The following MARCHF4 variants were observed in gnomAD, a reference collection of about 807,000 sequenced individuals.
MARCHF4 encodes the protein E3 ubiquitin-protein ligase MARCHF4.
MARCHF4 carries 14 observed loss-of-function variants against 43.9 expected under a neutral mutation model. The ratio of observed to expected loss-of-function variants is 0.32; its 90% CI spans 0.21 to 0.50. The LOEUF (loss-of-function observed/expected upper bound fraction) is 0.50, where lower values mean the gene tolerates loss of function less well. Among genes scored for constraint, MARCHF4 ranks in the 20% least tolerant of loss-of-function variants. The pLI, the probability that MARCHF4 is intolerant of heterozygous loss-of-function variation, is 0.98. For missense variants in MARCHF4, 468 were observed against 536.7 expected (o/e 0.87, Z 1.27); for synonymous variants, 226 against 213.3 (o/e 1.06, Z -0.52).
chr2:216,305,716 T>C (rs1323315473), intron 1 of MARCHF4, among the ~76,000 whole-genome samples: 2 of 152,152 alleles, frequency 1.3e-5, no homozygotes, highest in Non-Finnish European at 2.9e-5. Flanking sequence ...GGCCTTCCAC[T>C]AATCAGACTG....
At chr2:216,307,399 G>T (rs913654781) in intron 1 of MARCHF4, among the ~76,000 whole-genome samples, 5 of 152,192 alleles carry the variant, frequency 3.3e-5, no homozygotes, top group African/African-American at 1.2e-4. Flanking sequence ...GAGGGAGAGG[G>T]GTTTCTATTT....
chr2:216,341,448 G>C (rs1692234094), intron 1 of MARCHF4, among the ~76,000 whole-genome samples: 1 of 152,170 alleles, frequency 6.6e-6, no homozygotes, highest in African/African-American at 2.4e-5. Flanking sequence ...GACTGAGCCT[G>C]GGGAGAGGCA....
chr2:216,288,070 C>T (rs561180158), intron 1 of MARCHF4, among the ~76,000 whole-genome samples: 99 of 152,310 alleles, frequency 6.5e-4, no homozygotes, highest in Admixed American at 1.8e-3. Context: ...TCAAGTGATC[C>T]TCCCACCTCA....
chr2:216,299,100 G>C (rs1364037613), intron 1 of MARCHF4, among the ~76,000 whole-genome samples: 2 of 151,392 alleles, frequency 1.3e-5, no homozygotes, highest in Non-Finnish European at 2.9e-5. Flanking sequence ...AGAAGACATA[G>C]ACAGTCTGGG....
intron 3 of MARCHF4, among the ~76,000 whole-genome samples, chr2:216,277,340 G>A (rs1451752871): frequency 6.6e-6 from 1 of 152,198 alleles, no homozygotes; most frequent in Non-Finnish European, 1.5e-5. Context: ...GCAGTATAGG[G>A]TGCACAGTGG....
At chr2:216,361,133 A>C (rs13404318) in intron 1 of MARCHF4, among the ~76,000 whole-genome samples, 4,849 of 152,284 alleles carry the variant, frequency 0.032, 180 homozygotes, top group East Asian at 0.14. Context: ...ACAAGGTGAG[A>C]AATTCTAGCT....
At chr2:216,326,912 G>A (rs1195588847) in intron 1 of MARCHF4, among the ~76,000 whole-genome samples, 2 of 151,868 alleles carry the variant, frequency 1.3e-5, no homozygotes, top group African/African-American at 2.4e-5. Flanking sequence ...GTATACATAC[G>A]TAACTAACCT....
intron 1 of MARCHF4, among the ~76,000 whole-genome samples, chr2:216,349,550 G>A (rs1340996734): frequency 6.6e-6 from 1 of 152,174 alleles, no homozygotes; most frequent in Non-Finnish European, 1.5e-5. Context: ...AAGCACAGCT[G>A]GGGATGATGT....
At chr2:216,342,844 T>G (rs182533690) in intron 1 of MARCHF4, among the ~76,000 whole-genome samples, 3 of 152,210 alleles carry the variant, frequency 2.0e-5, no homozygotes, top group Admixed American at 2.0e-4. Context: ...TCTAGTTCCT[T>G]CCCAGGCCCT....
chr2:216,321,027 A>G (rs897348978), intron 1 of MARCHF4, among the ~76,000 whole-genome samples: 7 of 151,840 alleles, frequency 4.6e-5, no homozygotes, highest in African/African-American at 1.7e-4. Flanking sequence ...GAAGTTGAGT[A>G]AGAGTGAAGA....
chr2:216,298,751 T>A (rs188238963), intron 1 of MARCHF4, among the ~76,000 whole-genome samples: 2 of 152,266 alleles, frequency 1.3e-5, no homozygotes, highest in Admixed American at 1.3e-4. Context: ...TCCCCCTAAA[T>A]CAGGAACATA....
chr2:216,271,117 G>T (rs535295857), intron 3 of MARCHF4, among the ~76,000 whole-genome samples: 1 of 152,158 alleles, frequency 6.6e-6, no homozygotes, highest in Admixed American at 6.5e-5. Context: ...CACCAGTGGG[G>T]TCAAATCTGA....
At chr2:216,272,327 T>C (rs564774959) in intron 3 of MARCHF4, among the ~76,000 whole-genome samples, 1 of 152,024 alleles carries the variant, frequency 6.6e-6, no homozygotes, top group Admixed American at 6.5e-5. Flanking sequence ...AATAGCACAA[T>C]CAAAAAGGAG....
chr2:216,259,189 G>A lies in MARCHF4; in HGVS notation c.*123C>T. The A allele has an allele frequency of 2.8e-6, 4 of 1,427,930 alleles. No individual in the cohort carries two copies. The highest frequency in any genetic ancestry group is 2.8e-6 in the Non-Finnish European group (3 of 1,076,342). 88.5% of individuals were successfully genotyped at this position (1,427,930 alleles called of 1,614,324 possible). A position where few individuals can be genotyped will look rare whatever the true frequency, so the allele number is the denominator to read the frequency against. On this transcript the variant is annotated 3_prime_UTR_variant, in exon 4 of 4. Transcript: ENST00000273067. Reference sequence around the variant, plus strand: ...ACTCCCGCTCTGACACTACCCCAGGGCTCCCGCCAGGTCCCCCACCCTCTG... The same window carrying A: ...ACTCCCGCTCTGACACTACCCCAGGACTCCCGCCAGGTCCCCCACCCTCTG...
At position 216,370,052 on chromosome 2, in the gene MARCHF4, G is replaced by A. The variant is rs1197584038; in HGVS notation, c.209C>T (p.Pro70Leu). 3.2e-6 allele frequency: 5 copies of A among 1,557,800 alleles called. No homozygotes were observed. The African/African-American group carries it at 4.1e-5, about 13-fold the overall frequency. The change falls in exon 1 of 4, where the codon CCC becomes CTC. Residue 70 changes from proline to leucine, a missense_variant. Pro to Leu is a moderately conservative substitution (Grantham distance 98, BLOSUM62 -3). This residue lies in a region of MARCHF4 where 190 missense variants were observed against 158.5 expected (regional missense o/e 1.20). Transcript: ENST00000273067. ...APLPMHGDPQ[P>L]PGLAANNTLP... ...GGTGTTGTTGGCCGCCAAACCGGGGGGCTGGGGGTCGCCGTGCATGGGCAG... is the reference window on the plus strand; with the variant it reads ...GGTGTTGTTGGCCGCCAAACCGGGGAGCTGGGGGTCGCCGTGCATGGGCAG...
chr2:216,260,794 C>T (rs1030961000), intron 3 of MARCHF4, among the ~76,000 whole-genome samples: 19 of 152,144 alleles, frequency 1.2e-4, no homozygotes, highest in African/African-American at 4.6e-4. Flanking sequence ...CATAAAGCCA[C>T]CTGTGGCACC....
At chr2:216,337,152 GAA>G (rs749557419) in intron 1 of MARCHF4, among the ~76,000 whole-genome samples, 5 of 107,576 alleles carry the variant, frequency 4.6e-5, no homozygotes, top group Admixed American at 1.0e-4. Flanking sequence ...ACTCCCTCTT[GAA>G]AAAAAAAAAA....
intron 1 of MARCHF4, among the ~76,000 whole-genome samples, chr2:216,354,963 CTTTCTTTCTTTCT>C (rs1692474258): frequency 1.6e-5 from 2 of 129,032 alleles, no homozygotes; most frequent in African/African-American, 3.2e-5. Flanking sequence ...TTCTTTCTTT[CTTTCTTTCTTTCT>C]TTCTTTCTTT....
chr2:216,369,877 G>C lies in MARCHF4; in HGVS notation c.384C>G (p.Ala128=). Residue 128 remains alanine, a synonymous_variant, in exon 1 of 4, where the codon GCC becomes GCG. Transcript: ENST00000273067. ...DWGGPATEPP[A]SLLSSASSDD... The stretch of plus-strand genomic sequence containing the variant: ...CTGAGGAGGCACTGCTGAGCAGCGA[G>C]GCAGGTGGCTCTGTGGCTGGGCCAC... 1 of 1,614,016 alleles carries C rather than the reference G, an allele frequency of 6.2e-7. No individual in the cohort carries two copies. The highest frequency in any genetic ancestry group is 2.2e-5 in the East Asian group (1 of 44,876).
Sources: allele counts gnomAD v4.1 joint callset (sites outside exome capture counted in the v4.1 genomes callset), GRCh38; gene constraint gnomAD v4.1.1; regional missense constraint gnomAD v4.1.1; transcripts MANE v1.5; gene names NCBI Gene and HGNC (gene_info 2026-07-23, HGNC 2026-07-21).